Variants in APBB1IP observed in about 807,000 individuals in gnomAD.
APBB1IP encodes the protein amyloid beta A4 precursor protein-binding family B member 1-interacting protein.
A neutral mutation model predicts 64.9 loss-of-function variants in APBB1IP; 27 were observed. The observed-to-expected ratio is 0.42, with a 90% confidence interval of 0.31 to 0.57. APBB1IP has a LOEUF of 0.57. Ranked by LOEUF, APBB1IP falls within the 20% of genes least tolerant of loss-of-function variation. The pLI, the probability that APBB1IP is intolerant of heterozygous loss-of-function variation, is 0.20. For missense variants in APBB1IP, 812 were observed against 845.5 expected, an observed-to-expected ratio of 0.96 and a Z score of 0.49; for synonymous variants, 392 against 331.0, an observed-to-expected ratio of 1.18 and a Z score of -2.00.
At chr10:26,538,123 C>A (rs997901375) in intron 10 of APBB1IP, among the ~76,000 whole-genome samples, 1 of 152,076 alleles carries the variant, frequency 6.6e-6, no homozygotes. Context: ...ATGAGACACT[C>A]AACTGAAAAA....
rs755112103 is a variant in APBB1IP at position 26,560,215 on chromosome 10, T to A, written c.1254+12T>A. ...TACGGATAGCCAAGGTGAGAGAGCG[T>A]TCGGACTTCACCCTGTCTTGAACTT... On this transcript the variant is annotated intron_variant, in intron 12 of 14. Transcript: ENST00000376236. 1 of 1,611,662 alleles carries A rather than the reference T, an allele frequency of 6.2e-7. No individual in the cohort carries two copies.
chr10:26,523,180 C>T (rs1043697517), intron 8 of APBB1IP, among the ~76,000 whole-genome samples: 1 of 152,060 alleles, frequency 6.6e-6, no homozygotes, highest in African/African-American at 2.4e-5. Context: ...ATGTTGAGTA[C>T]TTTCTATATT....
chr10:26,547,592 C>T (rs1161316011), intron 11 of APBB1IP, among the ~76,000 whole-genome samples: 1 of 152,162 alleles, frequency 6.6e-6, no homozygotes, highest in Non-Finnish European at 1.5e-5. Flanking sequence ...CAGGAACGCG[C>T]CACCACTCCC....
chr10:26,514,769 C>G (rs187045823), intron 8 of APBB1IP, among the ~76,000 whole-genome samples: 1 of 152,214 alleles, frequency 6.6e-6, no homozygotes, highest in Admixed American at 6.5e-5. Context: ...CTGGGTTTTC[C>G]CTAGGTTGTA....
chr10:26,450,047 A>G (rs1328602408), intron 2 of APBB1IP, among the ~76,000 whole-genome samples: 1 of 152,126 alleles, frequency 6.6e-6, no homozygotes. Flanking sequence ...CCTGTCAGAA[A>G]TGGTAGTATG....
In APBB1IP at chr10:26,515,303, C is replaced by A. The variant is rs532255593; in HGVS notation, c.813+1643C>A. On this transcript the variant is annotated intron_variant, in intron 8 of 14. Coordinates refer to ENST00000376236, the MANE Select transcript of APBB1IP (RefSeq NM_019043.4). ...ATTTCTCTCTCACGCACTGGTCCAG[C>A]CACAGGTAGCTAGACCTAGTAGAAT... Among the ~76,000 whole-genome samples, 109 of 152,304 alleles carry A rather than the reference C, an allele frequency of 7.2e-4. 2 individuals carry two copies. Among genetic ancestry groups the A allele is most frequent in the South Asian group, 6.0e-3 (29 of 4,832 alleles).
At position 26,510,732 on chromosome 10, in the gene APBB1IP, T is replaced by TCACACA. The variant is rs1491206953; in HGVS notation, c.532-1014_532-1013insACACAC. Among the ~76,000 whole-genome samples, 448 of 109,330 alleles carry TCACACA rather than the reference T, an allele frequency of 4.1e-3. 1 individual carries two copies. The highest frequency in any genetic ancestry group is 0.013 in the African/African-American group (402 of 30,384). The allele number at this position is 109,330 out of a possible 152,430, so 71.7% of individuals were successfully genotyped here. On this transcript the variant is annotated intron_variant, in intron 6 of 14. Coordinates refer to ENST00000376236, the MANE Select transcript of APBB1IP (RefSeq NM_019043.4). ...GCCTAGGCAACAGAGCAAGACCCTG[T>TCACACA]CTCACACACACACACACACACACAC...
chr10:26,444,101 A>T (rs1234571496), intron 2 of APBB1IP, among the ~76,000 whole-genome samples: 1 of 152,184 alleles, frequency 6.6e-6, no homozygotes, highest in Non-Finnish European at 1.5e-5. Context: ...GAGACAATGG[A>T]GTTAACCAAG....
intron 8 of APBB1IP, 28 bp downstream of exon 8, chr10:26,513,688 C>G: frequency 1.3e-6 from 2 of 1,569,848 alleles, no homozygotes; most frequent in East Asian, 2.3e-5. Context: ...TTGTTAAACC[C>G]TATAAAGTAC....
At chr10:26,540,696 C>T (rs1836686235) in intron 10 of APBB1IP, among the ~76,000 whole-genome samples, 2 of 151,896 alleles carry the variant, frequency 1.3e-5, no homozygotes, top group African/African-American at 2.4e-5. Context: ...ATATAGAAAG[C>T]GAAACAAAAA....
intron 8 of APBB1IP, among the ~76,000 whole-genome samples, chr10:26,522,791 G>A (rs1379516953): frequency 2.0e-5 from 3 of 151,894 alleles, no homozygotes; most frequent in African/African-American, 7.3e-5. Context: ...CCTGAGGTCA[G>A]GAGTTCAAGA....
At chr10:26,482,972 T>A (rs1029445059) in intron 2 of APBB1IP, among the ~76,000 whole-genome samples, 1 of 148,848 alleles carries the variant, frequency 6.7e-6, no homozygotes, top group African/African-American at 2.5e-5. Flanking sequence ...GTGCCTGTAA[T>A]CCCAGCTACT....
chr10:26,453,354 T>G (rs1835485688), intron 2 of APBB1IP, among the ~76,000 whole-genome samples: 1 of 152,180 alleles, frequency 6.6e-6, no homozygotes, highest in African/African-American at 2.4e-5. Context: ...TGGAGTGGTG[T>G]GCTGGGCATG....
intron 2 of APBB1IP, among the ~76,000 whole-genome samples, chr10:26,451,129 AG>A (rs1308653870): frequency 1.3e-5 from 2 of 152,168 alleles, no homozygotes; most frequent in East Asian, 1.9e-4. Context: ...AAGAAATGAA[AG>A]GGGTGTTTTA....
chr10:26,499,258 A>G (rs1398156865), intron 4 of APBB1IP, among the ~76,000 whole-genome samples: 1 of 151,830 alleles, frequency 6.6e-6, no homozygotes, highest in Non-Finnish European at 1.5e-5. Context: ...AGAGGTTGCA[A>G]TGAGCCGAGA....
chr10:26,524,601 T>C (rs576490654), intron 8 of APBB1IP, among the ~76,000 whole-genome samples: 51 of 152,242 alleles, frequency 3.3e-4, no homozygotes, highest in Non-Finnish European at 6.9e-4. Context: ...ATGTGGAAGG[T>C]ATGCATTGGT....
chr10:26,489,324 C>T (rs1033239120), intron 2 of APBB1IP, among the ~76,000 whole-genome samples: 2 of 152,050 alleles, frequency 1.3e-5, no homozygotes, highest in Non-Finnish European at 2.9e-5. Context: ...GTTCTCAGTC[C>T]TGTTTGGCGA....
At chr10:26,534,159 T>C (rs1487032164) in intron 9 of APBB1IP, among the ~76,000 whole-genome samples, 1 of 151,936 alleles carries the variant, frequency 6.6e-6, no homozygotes, top group East Asian at 1.9e-4. Context: ...ATAGTATCTA[T>C]GTTAAAAATC....
intron 2 of APBB1IP, among the ~76,000 whole-genome samples, chr10:26,450,985 C>T (rs927512866): frequency 2.0e-5 from 3 of 152,018 alleles, no homozygotes; most frequent in Admixed American, 6.6e-5. Context: ...CGTGAGCCAC[C>T]GTGCCTGGCC....
Sources: allele counts gnomAD v4.1 joint callset (sites outside exome capture counted in the v4.1 genomes callset), GRCh38; gene constraint gnomAD v4.1.1; transcripts MANE v1.5; gene names NCBI Gene and HGNC (gene_info 2026-07-23, HGNC 2026-07-21).